The following HUNK variants were observed in gnomAD, a reference collection of about 807,000 sequenced individuals.
HUNK encodes hormonally up-regulated neu tumor-associated kinase.
HUNK carries 21 observed loss-of-function variants against 61.0 expected under a neutral mutation model. That is an observed-to-expected ratio of 0.34 (90% CI 0.24 to 0.50). HUNK has a LOEUF of 0.50. HUNK is among the 20% of genes least tolerant of loss of function. The pLI is 0.98. For missense variants in HUNK, 772 were observed against 945.7 expected (o/e 0.82, Z 2.41); for synonymous variants, 371 against 386.1 (o/e 0.96, Z 0.46).
chr21:31,988,065 A>G (rs1201073312), intron 8 of HUNK, among the ~76,000 whole-genome samples: 1 of 152,200 alleles, frequency 6.6e-6, no homozygotes, highest in Non-Finnish European at 1.5e-5. Context: ...TTAAGTTGCA[A>G]AAACTTCCCT....
rs145673574 is a variant in HUNK at position 31,998,743 on chromosome 21, C to T, written c.1704C>T (p.Asp568=). 8.4e-5 allele frequency: 135 copies of T among 1,614,142 alleles called. No homozygotes were observed. Among genetic ancestry groups the T allele is most frequent in the Middle Eastern group, 1.6e-4 (1 of 6,062 alleles). ...GCTCCTTCGAGTCTGTGGATCGCGA[C>T]GACCACGTAGAAGTGCTGTCTCCCT... ...MVRSFESVDR[D]DHVEVLSPSH... is the part of the protein sequence containing the mutation. Residue 568 remains aspartate, a synonymous_variant, in exon 11 of 11, where the codon GAC becomes GAT. Transcript: ENST00000270112.
At chr21:31,949,221 C>G (rs2052831971) in intron 4 of HUNK, among the ~76,000 whole-genome samples, 1 of 152,120 alleles carries the variant, frequency 6.6e-6, no homozygotes, top group Non-Finnish European at 1.5e-5. Flanking sequence ...GATGACGGGC[C>G]CAGGTGGGCT....
intron 7 of HUNK, among the ~76,000 whole-genome samples, chr21:31,978,241 A>G (rs184691363): frequency 2.0e-5 from 3 of 152,362 alleles, no homozygotes; most frequent in East Asian, 3.9e-4. Flanking sequence ...GTACAACATG[A>G]TGCTTTGAAA....
intron 2 of HUNK, among the ~76,000 whole-genome samples, chr21:31,935,459 A>C (rs2052727111): frequency 6.6e-6 from 1 of 152,202 alleles, no homozygotes; most frequent in Non-Finnish European, 1.5e-5. Context: ...TGTGATGTCC[A>C]GTTCTGTGGA....
intron 8 of HUNK, among the ~76,000 whole-genome samples, chr21:31,987,057 T>C (rs2053138484): frequency 6.6e-6 from 1 of 152,162 alleles, no homozygotes; most frequent in African/African-American, 2.4e-5. Context: ...GCTCAATAAA[T>C]ATTTGCTCAA....
chr21:31,938,309 AG>A (rs143419081), intron 2 of HUNK, among the ~76,000 whole-genome samples: 1,975 of 152,254 alleles, frequency 0.013, 55 homozygotes, highest in African/African-American at 0.045. Flanking sequence ...CGTCCTTTCA[AG>A]GCTTCAGCAT....
intron 1 of HUNK, among the ~76,000 whole-genome samples, chr21:31,884,458 G>C (rs994211277): frequency 1.3e-5 from 2 of 152,006 alleles, no homozygotes; most frequent in East Asian, 1.9e-4. Context: ...CAGGCGTGGT[G>C]GTGGGCACCT....
At chr21:31,987,949 C>T (rs1181177202) in intron 8 of HUNK, among the ~76,000 whole-genome samples, 1 of 152,096 alleles carries the variant, frequency 6.6e-6, no homozygotes, top group African/African-American at 2.4e-5. Flanking sequence ...GGCTCGTGTC[C>T]CCTAGGGCTG....
At position 31,908,322 on chromosome 21, in the gene HUNK, G is replaced by A. The variant is rs58726666; in HGVS notation, c.262-16146G>A. Among the ~76,000 whole-genome samples, 469 of 152,148 alleles carry A rather than the reference G, an allele frequency of 3.1e-3. 1 individual carries two copies. Among genetic ancestry groups the A allele is most frequent in the African/African-American group, 9.8e-3 (407 of 41,512 alleles). ...TCTGGACTTTATTTAGACGATGACC[G>A]TAACTGTCTTTAGAAAGAAGACTGT... On this transcript the variant is annotated intron_variant, in intron 1 of 10. Transcript: ENST00000270112.
rs1488888313 is a variant in HUNK at position 32,000,320 on chromosome 21, G to C, written c.*1136G>C. The C allele has an allele frequency of 2.5e-6, 1 of 398,984 alleles. No homozygotes were observed. The highest frequency in any genetic ancestry group is 4.4e-6 in the Non-Finnish European group (1 of 226,112). The allele number at this position is 398,984 out of a possible 1,614,324, so 24.7% of individuals were successfully genotyped here. On this transcript the variant is annotated 3_prime_UTR_variant, in exon 11 of 11. Transcript: ENST00000270112. ...AGAGAACCTGTTCAGATACAGGCCA[G>C]TTTCTTCTTCGAGGAAAGCCAAGCT...
intron 1 of HUNK, among the ~76,000 whole-genome samples, chr21:31,907,299 C>T (rs996696801): frequency 6.6e-6 from 1 of 152,100 alleles, no homozygotes; most frequent in Non-Finnish European, 1.5e-5. Flanking sequence ...TTAAGAATTT[C>T]AAAATATTGG....
chr21:31,906,692 A>G (rs1440737062), intron 1 of HUNK, among the ~76,000 whole-genome samples: 1 of 152,044 alleles, frequency 6.6e-6, no homozygotes, highest in Non-Finnish European at 1.5e-5. Flanking sequence ...AGCCTCCTAA[A>G]GTGCTGGGAT....
At chr21:31,935,717 T>A (rs2052729005) in intron 2 of HUNK, among the ~76,000 whole-genome samples, 4 of 152,216 alleles carry the variant, frequency 2.6e-5, no homozygotes, top group Non-Finnish European at 5.9e-5. Flanking sequence ...TTGACGTTCC[T>A]CCATGTCTTT....
At chr21:31,971,401 G>A (rs561991342) in intron 6 of HUNK, among the ~76,000 whole-genome samples, 2 of 152,130 alleles carry the variant, frequency 1.3e-5, no homozygotes, top group East Asian at 3.9e-4. Flanking sequence ...GGCTGTTGGG[G>A]GAGGTACATG....
intron 2 of HUNK, among the ~76,000 whole-genome samples, chr21:31,935,366 C>A (rs73903707): frequency 6.6e-6 from 1 of 152,138 alleles, no homozygotes; most frequent in Non-Finnish European, 1.5e-5. Context: ...TCTTGTGTTC[C>A]CCTGGCACAT....
rs1230893159 is a variant in HUNK, at chr21:31,995,830, G to A, written c.1368G>A (p.Lys456=). 1 of 1,614,166 alleles carries A rather than the reference G, an allele frequency of 6.2e-7. No individual in the cohort carries two copies. The change falls in exon 10 of 11, where the codon AAG becomes AAA. Residue 456 remains lysine, a synonymous_variant. Coordinates refer to ENST00000270112, the MANE Select transcript of HUNK (RefSeq NM_014586.2). Reference sequence around the variant, plus strand: ...TTCTTCATCGACCATTCTCCAAGAAGTTGGACAAGAACCTGCCCTCGCACA... The same window carrying A: ...TTCTTCATCGACCATTCTCCAAGAAATTGGACAAGAACCTGCCCTCGCACA... ...GDFLHRPFSK[K]LDKNLPSHKQ... is the part of the protein sequence containing the mutation.
chr21:31,968,222 C>T (rs1601402821), intron 5 of HUNK, 28 bp from the exon 6 acceptor site: 2 of 1,613,668 alleles, frequency 1.2e-6, no homozygotes, highest in Admixed American at 1.7e-5. Flanking sequence ...CTGTAACATG[C>T]GTGCATTCTT....
chr21:31,995,732 T>A (rs1207350769), intron 9 of HUNK, 36 bp from the exon 10 acceptor site: 1 of 1,543,872 alleles, frequency 6.5e-7, no homozygotes, highest in South Asian at 1.1e-5. Context: ...TCTTCTAGTA[T>A]GTGTCTAAGT....
chr21:31,925,133 A>C (rs939246251), intron 2 of HUNK, among the ~76,000 whole-genome samples: 19 of 152,050 alleles, frequency 1.2e-4, no homozygotes, highest in African/African-American at 4.3e-4. Context: ...CTGTATTTTT[A>C]TTCCATGGAA....
Sources: allele counts gnomAD v4.1 joint callset (sites outside exome capture counted in the v4.1 genomes callset), GRCh38; gene constraint gnomAD v4.1.1; transcripts MANE v1.5; gene names NCBI Gene and HGNC (gene_info 2026-07-23, HGNC 2026-07-21).